Variants in PRKCB observed in about 807,000 individuals in gnomAD.
PRKCB encodes protein kinase C beta type.
Under a neutral mutation model 81.5 loss-of-function variants are expected in PRKCB, and 13 were observed. The ratio of observed to expected loss-of-function variants is 0.16; its 90% CI spans 0.10 to 0.25. The LOEUF is 0.25. Among genes scored for constraint, PRKCB ranks in the 10% least tolerant of loss-of-function variants. The pLI, the probability that PRKCB is intolerant of heterozygous loss-of-function variation, is 1.00. For synonymous variants in PRKCB, 335 were observed against 321.4 expected, an observed-to-expected ratio of 1.04 and a Z score of -0.45; for missense variants, 509 against 875.7, an observed-to-expected ratio of 0.58 and a Z score of 5.29.
Position 24,220,168 on chromosome 16 carries a change from T to C in PRKCB, c.*5352T>C, listed in dbSNP as rs1288386506. The C allele has an allele frequency of 3.1e-6, 5 of 1,598,816 alleles. No individual in the cohort carries two copies. Among genetic ancestry groups the C allele is most frequent in the Non-Finnish European group, 4.3e-6 (5 of 1,168,836 alleles). On this transcript the variant is annotated 3_prime_UTR_variant, in exon 17 of 17. Transcript: ENST00000643927. ...GGTGTAAGACTTCAAGCCAAGCGTA[T>C]GTATCAATTCTAGTCTTCCAGGATT...
Position 24,214,842 on chromosome 16 carries a change from A to G in PRKCB, c.*26A>G. On this transcript the variant is annotated 3_prime_UTR_variant, in exon 17 of 17. Transcript: ENST00000643927. ...GTAGATGTGTAGATCTCCGTCCTTC[A>G]TTTCTGTCATTCAAGCTCAACGGCT... The G allele has an allele frequency of 1.3e-6, 2 of 1,519,074 alleles. No homozygotes were observed. The highest frequency in any genetic ancestry group is 4.0e-5 in the African/African-American group (2 of 49,620). The allele number at this position is 1,519,074 out of a possible 1,614,324, so 94.1% of individuals were successfully genotyped here. A position where few individuals can be genotyped will look rare whatever the true frequency, so the allele number is the denominator to read the frequency against.
intron 7 of PRKCB, among the ~76,000 whole-genome samples, chr16:24,104,838 G>A (rs1016656275): frequency 6.6e-5 from 10 of 152,142 alleles, no homozygotes; most frequent in African/African-American, 2.4e-4. Flanking sequence ...GAGGATATGG[G>A]GAGAGGGTTG....
chr16:24,128,509 A>G (rs1462749828), intron 9 of PRKCB, among the ~76,000 whole-genome samples: 2 of 152,252 alleles, frequency 1.3e-5, no homozygotes, highest in Non-Finnish European at 2.9e-5. Flanking sequence ...TCAAATGTGT[A>G]AGCCCGTTTC....
At chr16:24,030,043 G>C (rs1965532005) in intron 3 of PRKCB, among the ~76,000 whole-genome samples, 1 of 152,110 alleles carries the variant, frequency 6.6e-6, no homozygotes, top group African/African-American at 2.4e-5. Flanking sequence ...GGGACTACAG[G>C]CATATGCCAC....
intron 2 of PRKCB, among the ~76,000 whole-genome samples, chr16:23,969,562 C>T (rs1157064279): frequency 6.6e-6 from 1 of 152,150 alleles, no homozygotes; most frequent in Non-Finnish European, 1.5e-5. Flanking sequence ...GTTTCTACCT[C>T]ATTGGGTTCT....
chr16:23,875,291 A>G (rs1300326890), intron 2 of PRKCB, among the ~76,000 whole-genome samples: 1 of 151,852 alleles, frequency 6.6e-6, no homozygotes, highest in Non-Finnish European at 1.5e-5. Context: ...CTCCCAGCTC[A>G]GTCTCCCAAA....
intron 16 of PRKCB, among the ~76,000 whole-genome samples, chr16:24,212,392 T>C (rs1968152004): frequency 7.1e-6 from 1 of 140,320 alleles, no homozygotes; most frequent in Admixed American, 7.0e-5. Context: ...ACTCCCCATA[T>C]TCTGTGCTTT....
chr16:24,189,042 A>G (rs989624903), intron 15 of PRKCB, among the ~76,000 whole-genome samples: 3 of 152,208 alleles, frequency 2.0e-5, no homozygotes, highest in African/African-American at 4.8e-5. Context: ...ATCTTACACA[A>G]ATGTCAAGCC....
At position 24,220,002 on chromosome 16, in the gene PRKCB, C is replaced by T. The variant is rs1172797070; in HGVS notation, c.*5186C>T. 4.3e-6 allele frequency: 7 copies of T among 1,614,138 alleles called. No homozygotes were observed. The highest frequency in any genetic ancestry group is 5.9e-6 in the Non-Finnish European group (7 of 1,180,026). On this transcript the variant is annotated 3_prime_UTR_variant, in exon 17 of 17. Transcript: ENST00000643927. ...CCTCCAACTTCGACAAAGAGTTCAC[C>T]AGACAGCCTGTGGAACTGACCCCCA...
At chr16:23,977,069 G>A (rs1964636481) in intron 2 of PRKCB, among the ~76,000 whole-genome samples, 2 of 152,066 alleles carry the variant, frequency 1.3e-5, no homozygotes, top group Admixed American at 1.3e-4. Context: ...CCTTTTTAGT[G>A]CTGGGCTGTG....
intron 2 of PRKCB, among the ~76,000 whole-genome samples, chr16:23,983,177 G>A (rs1964760511): frequency 1.3e-5 from 2 of 151,788 alleles, no homozygotes; most frequent in Admixed American, 6.6e-5. Context: ...AGAAATGAGG[G>A]GGCGTTTATT....
At chr16:24,027,945 TA>T (rs954191033) in intron 3 of PRKCB, among the ~76,000 whole-genome samples, 1 of 151,992 alleles carries the variant, frequency 6.6e-6, no homozygotes, top group African/African-American at 2.4e-5. Context: ...TTAATACATA[TA>T]TATAGTAGAG....
At chr16:23,915,945 C>T (rs1442291014) in intron 2 of PRKCB, among the ~76,000 whole-genome samples, 2 of 152,008 alleles carry the variant, frequency 1.3e-5, no homozygotes, top group Non-Finnish European at 2.9e-5. Flanking sequence ...AGAAACCAAA[C>T]TTAATACATG....
chr16:23,939,097 C>T (rs1396961252), intron 2 of PRKCB, among the ~76,000 whole-genome samples: 2 of 151,930 alleles, frequency 1.3e-5, no homozygotes, highest in East Asian at 1.9e-4. Context: ...GCAATGAATA[C>T]GGGAAGACTG....
intron 2 of PRKCB, among the ~76,000 whole-genome samples, chr16:23,914,047 G>T (rs774083029): frequency 7.2e-5 from 11 of 152,066 alleles, no homozygotes; most frequent in Non-Finnish European, 1.3e-4. Flanking sequence ...GTGTTGCCCA[G>T]GCTGGAGTGC....
chr16:23,873,184 ACACAC>A (rs1488448034), intron 2 of PRKCB, among the ~76,000 whole-genome samples: 5 of 94,092 alleles, frequency 5.3e-5, no homozygotes, highest in Non-Finnish European at 8.7e-5. Context: ...ACACACACAC[ACACAC>A]AAAAAAAAAA....
intron 2 of PRKCB, among the ~76,000 whole-genome samples, chr16:23,902,732 CCCTTCCTTCCTT>C (rs1555483455): frequency 4.5e-4 from 5 of 11,114 alleles, no homozygotes; most frequent in African/African-American, 2.4e-3. Flanking sequence ...CTCCCTTCCT[CCCTTCCTTCCTT>C]CCTTCCTTCC....
chr16:23,902,740 T>TCCTC (rs1567307918), intron 2 of PRKCB, among the ~76,000 whole-genome samples: 14 of 8,174 alleles, frequency 1.7e-3, no homozygotes, highest in African/African-American at 6.2e-3. Flanking sequence ...CTCCCTTCCT[T>TCCTC]CCTTCCTTCC....
At chr16:23,887,973 G>T (rs529917342) in intron 2 of PRKCB, among the ~76,000 whole-genome samples, 216 of 152,274 alleles carry the variant, frequency 1.4e-3, no homozygotes, top group African/African-American at 3.8e-3. Context: ...CTCCAGCAGG[G>T]TCCCCATGAT....
Sources: allele counts gnomAD v4.1 joint callset (sites outside exome capture counted in the v4.1 genomes callset), GRCh38; gene constraint gnomAD v4.1.1; transcripts MANE v1.5; gene names NCBI Gene and HGNC (gene_info 2026-07-23, HGNC 2026-07-21).